The following SKAP1 variants were observed in gnomAD, a reference collection of about 807,000 sequenced individuals.
SKAP1 encodes src kinase-associated phosphoprotein 1.
SKAP1 carries 44 observed loss-of-function variants against 58.5 expected under a neutral mutation model. The ratio of observed to expected loss-of-function variants is 0.75; its 90% CI spans 0.59 to 0.97. The LOEUF (loss-of-function observed/expected upper bound fraction) is 0.97, where lower values mean the gene tolerates loss of function less well. SKAP1 is among the 50% of genes least tolerant of loss of function. The pLI, the probability that SKAP1 is intolerant of heterozygous loss-of-function variation, is 0.00. For synonymous variants in SKAP1, 127 were observed against 149.7 expected (o/e 0.85, Z 1.11); for missense variants, 390 against 435.2 (o/e 0.90, Z 0.92).
rs1373787524 is a variant in SKAP1 at position 48,305,150 on chromosome 17, A to T, written c.280+40755T>A. Among the ~76,000 whole-genome samples the T allele has an allele frequency of 2.6e-5, 4 of 152,190 alleles. No homozygotes were observed. In the East Asian group the frequency reaches 7.7e-4, roughly 29 times the overall value. On this transcript the variant is annotated intron_variant, in intron 4 of 12. Transcript: ENST00000336915. Reference sequence around the variant, plus strand: ...GAAAATTATATGGAATTCAAGTGTCAGTGTCAAGTTTTTGTTGTTGTTGTT... The same window carrying T: ...GAAAATTATATGGAATTCAAGTGTCTGTGTCAAGTTTTTGTTGTTGTTGTT...
At chr17:48,157,536 C>CTTT (rs35277314) in intron 11 of SKAP1, among the ~76,000 whole-genome samples, 3 of 137,344 alleles carry the variant, frequency 2.2e-5, no homozygotes, top group Non-Finnish European at 3.1e-5. Flanking sequence ...TGCCCGGCCT[C>CTTT]TTTTTTTTTT....
At chr17:48,340,851 C>T (rs1055740838) in intron 4 of SKAP1, among the ~76,000 whole-genome samples, 2 of 152,038 alleles carry the variant, frequency 1.3e-5, no homozygotes, top group Admixed American at 6.6e-5. Context: ...GCTATGAACA[C>T]ATTTATTTTA....
intron 4 of SKAP1, among the ~76,000 whole-genome samples, chr17:48,304,205 CACTT>C (rs1404371577): frequency 4.6e-5 from 7 of 152,138 alleles, no homozygotes; most frequent in Non-Finnish European, 8.8e-5. Context: ...GTAATAATGA[CACTT>C]ACAGACATTT....
At chr17:48,365,779 CTTTTT>C (rs11320627) in intron 2 of SKAP1, among the ~76,000 whole-genome samples, 4 of 139,628 alleles carry the variant, frequency 2.9e-5, no homozygotes, top group Non-Finnish European at 3.1e-5. Context: ...TGCGTCGGAG[CTTTTT>C]TTTTTTTTTT....
chr17:48,281,722 T>A (rs1379438049), intron 4 of SKAP1, among the ~76,000 whole-genome samples: 1 of 152,126 alleles, frequency 6.6e-6, no homozygotes, highest in South Asian at 2.1e-4. Context: ...TGATCTAGTA[T>A]AATTTATTAT....
chr17:48,313,901 A>C (rs2066256589), intron 4 of SKAP1, among the ~76,000 whole-genome samples: 1 of 152,214 alleles, frequency 6.6e-6, no homozygotes, highest in Non-Finnish European at 1.5e-5. Flanking sequence ...TTGGTACAAC[A>C]AATCCCAAGC....
At chr17:48,169,738 C>T (rs1326538437) in intron 10 of SKAP1, among the ~76,000 whole-genome samples, 1 of 151,966 alleles carries the variant, frequency 6.6e-6, no homozygotes, top group Non-Finnish European at 1.5e-5. Context: ...GAAGAAAAAG[C>T]ACAAGGAAAG....
chr17:48,322,860 C>T (rs2066387064), intron 4 of SKAP1, among the ~76,000 whole-genome samples: 1 of 152,194 alleles, frequency 6.6e-6, no homozygotes, highest in Non-Finnish European at 1.5e-5. Context: ...CGTTGGGAGG[C>T]CAAGGCGAGC....
chr17:48,311,837 A>G (rs2066228509), intron 4 of SKAP1, among the ~76,000 whole-genome samples: 1 of 152,216 alleles, frequency 6.6e-6, no homozygotes. Flanking sequence ...GAAATCACAT[A>G]TATTCTGACA....
upstream of SKAP1, among the ~76,000 whole-genome samples, chr17:48,432,358 G>C (rs953051269): frequency 6.6e-6 from 1 of 152,036 alleles, no homozygotes; most frequent in Non-Finnish European, 1.5e-5. Flanking sequence ...GAACCCGGGG[G>C]GCGGAGGTTG....
At chr17:48,352,021 C>A (rs1455746172) in intron 3 of SKAP1, among the ~76,000 whole-genome samples, 1 of 147,270 alleles carries the variant, frequency 6.8e-6, no homozygotes, top group Admixed American at 6.9e-5. Context: ...GTAGGGTGAG[C>A]TGTAGTGTGT....
At chr17:48,203,434 T>C (rs776549282) in intron 4 of SKAP1, among the ~76,000 whole-genome samples, 11 of 152,228 alleles carry the variant, frequency 7.2e-5, no homozygotes, top group Non-Finnish European at 1.5e-4. Context: ...TAAGTTTATT[T>C]AAAAGTCTCT....
chr17:48,401,901 A>G (rs1254471729), intron 1 of SKAP1, among the ~76,000 whole-genome samples: 1 of 152,238 alleles, frequency 6.6e-6, no homozygotes, highest in Non-Finnish European at 1.5e-5. Context: ...TATGTAGAAT[A>G]TATTAAAACT....
chr17:48,273,961 C>T (rs1416732916), intron 4 of SKAP1, among the ~76,000 whole-genome samples: 1 of 152,042 alleles, frequency 6.6e-6, no homozygotes, highest in Non-Finnish European at 1.5e-5. Flanking sequence ...GCTCTGTCAC[C>T]CAGGCTGGAG....
chr17:48,219,844 A>G (rs2064981110), intron 4 of SKAP1, among the ~76,000 whole-genome samples: 1 of 152,216 alleles, frequency 6.6e-6, no homozygotes, highest in Non-Finnish European at 1.5e-5. Flanking sequence ...ATAACAGTTC[A>G]AAGTCATGCA....
intron 4 of SKAP1, among the ~76,000 whole-genome samples, chr17:48,226,956 C>G (rs1684187596): frequency 6.6e-6 from 1 of 152,152 alleles, no homozygotes; most frequent in Non-Finnish European, 1.5e-5. Context: ...TTCCAGTTTG[C>G]CTGGACTTGA....
At chr17:48,424,986 G>C (rs570278428) in intron 1 of SKAP1, among the ~76,000 whole-genome samples, 1 of 147,090 alleles carries the variant, frequency 6.8e-6, no homozygotes, top group Non-Finnish European at 1.5e-5. Context: ...AAGGCCAGGC[G>C]GGGTGACTCA....
chr17:48,274,525 C>T (rs921544608), intron 4 of SKAP1, among the ~76,000 whole-genome samples: 1 of 151,924 alleles, frequency 6.6e-6, no homozygotes, highest in Admixed American at 6.6e-5. Flanking sequence ...GGAGAAACCC[C>T]GTCTCTACTA....
chr17:48,356,466 G>C (rs2066877641), intron 3 of SKAP1, among the ~76,000 whole-genome samples: 1 of 152,102 alleles, frequency 6.6e-6, no homozygotes, highest in Admixed American at 6.5e-5. Context: ...TATAATGAAA[G>C]TTCATCTATC....
Sources: allele counts gnomAD v4.1 joint callset (sites outside exome capture counted in the v4.1 genomes callset), GRCh38; gene constraint gnomAD v4.1.1; transcripts MANE v1.5; gene names NCBI Gene and HGNC (gene_info 2026-07-23, HGNC 2026-07-21).